BAHD1: variants seen among roughly 807,000 people sequenced by gnomAD.
BAHD1 encodes the protein bromo adjacent homology domain-containing 1 protein.
BAHD1 carries 20 observed loss-of-function variants against 63.1 expected under a neutral mutation model. That is an observed-to-expected ratio of 0.32 (90% confidence interval 0.22 to 0.46). The LOEUF is 0.46. BAHD1 is among the 20% of genes least tolerant of loss of function. BAHD1 has a pLI of 1.00. For missense variants in BAHD1, 939 were observed against 1,071.8 expected (o/e 0.88, Z 1.73); for synonymous variants, 408 against 426.8 (o/e 0.96, Z 0.54).
chr15:40,457,078 C>T (rs1010329838), intron 1 of BAHD1, among the ~76,000 whole-genome samples: 17 of 152,210 alleles, frequency 1.1e-4, no homozygotes, highest in African/African-American at 3.9e-4. Context: ...GATGCCTGGT[C>T]ATATGCATTT....
Position 40,467,175 on chromosome 15 carries a change from C to G in BAHD1, c.*1045C>G, listed in dbSNP as rs1894236265. On this transcript the variant is annotated 3_prime_UTR_variant, in exon 7 of 7. Coordinates refer to ENST00000416165, the MANE Select transcript of BAHD1 (RefSeq NM_014952.5). ...ACCTGCTGAGCTGCAGCCACTTGCT[C>G]TAGGAGCTAAGGACTTGCATTTTCA... 6.5e-6 allele frequency: 1 copy of G among 152,752 alleles called. No individual in the cohort carries two copies. Among genetic ancestry groups the G allele is most frequent in the Non-Finnish European group, 1.5e-5 (1 of 68,116 alleles). The allele number at this position is 152,752 out of a possible 1,614,324, so 9.5% of individuals were successfully genotyped here.
intron 1 of BAHD1, among the ~76,000 whole-genome samples, chr15:40,456,725 C>T (rs1220335846): frequency 6.6e-6 from 1 of 152,256 alleles, no homozygotes; most frequent in Non-Finnish European, 1.5e-5. Context: ...AATCCTGGCA[C>T]AGCAGGGACT....
chr15:40,464,102 T>G, intron 4 of BAHD1, 82 bp downstream of exon 4: 1 of 1,494,210 alleles, frequency 6.7e-7, no homozygotes, highest in Non-Finnish European at 9.1e-7. Flanking sequence ...CTGCCTGGAG[T>G]TTGACCTGGC....
Position 40,466,253 on chromosome 15 carries a change from C to T in BAHD1, c.*123C>T. On this transcript the variant is annotated 3_prime_UTR_variant, in exon 7 of 7. Transcript: ENST00000416165. ...CCTAAGTTTGCTGGCCTGTGGTTTTCTTGGGGGGGAGGGCAGGGGCCCCTG... is the reference window on the plus strand; with the variant it reads ...CCTAAGTTTGCTGGCCTGTGGTTTTTTTGGGGGGGAGGGCAGGGGCCCCTG... 9 of 795,506 alleles carry T rather than the reference C, an allele frequency of 1.1e-5. No individual in the cohort carries two copies. The highest frequency in any genetic ancestry group is 7.0e-5 in the Admixed American group (2 of 28,590). The allele number at this position is 795,506 out of a possible 1,614,324, so 49.3% of individuals were successfully genotyped here. A position where few individuals can be genotyped will look rare whatever the true frequency, so the allele number is the denominator to read the frequency against.
At position 40,464,531 on chromosome 15, in the gene BAHD1, G is replaced by T. The variant is rs1894145747; in HGVS notation, c.2036G>T (p.Ser679Ile). The T allele has an allele frequency of 1.2e-6, 2 of 1,613,272 alleles. No individual in the cohort carries two copies. The highest frequency in any genetic ancestry group is 1.1e-5 in the South Asian group (1 of 90,846). Residue 679 changes from serine (S) to isoleucine (I), a missense_variant, in exon 5 of 7, where the codon AGT becomes ATT. Ser to Ile is a moderately radical substitution (Grantham distance 142). Coordinates refer to ENST00000416165, the MANE Select transcript of BAHD1 (RefSeq NM_014952.5). Reference sequence around the variant, plus strand: ...CCTGAGCACTTACAGGGAGGCCGCAGTCCCAGCATGCACGAGGTGAGCTGC... The same window carrying T: ...CCTGAGCACTTACAGGGAGGCCGCATTCCCAGCATGCACGAGGTGAGCTGC... ...YRPEHLQGGR[S>I]PSMHEPLQNE...
intron 3 of BAHD1, 107 bp from the exon 4 acceptor site, chr15:40,463,754 G>A (rs1894119732): frequency 7.9e-7 from 1 of 1,269,562 alleles, no homozygotes; most frequent in African/African-American, 1.5e-5. Flanking sequence ...CCAAGGTAGT[G>A]GTTTGACTAT....
At position 40,464,229 on chromosome 15, in the gene BAHD1, C is replaced by T. The variant is rs1012699666; in HGVS notation, c.1975+209C>T. The T allele has an allele frequency of 8.8e-6, 6 of 682,158 alleles. No homozygotes were observed. In the African/African-American group the frequency reaches 9.0e-5, roughly 10 times the overall value. 42.3% of individuals were successfully genotyped at this position (682,158 alleles called of 1,614,324 possible). A position where few individuals can be genotyped will look rare whatever the true frequency, so the allele number is the denominator to read the frequency against. On this transcript the variant is annotated intron_variant, in intron 4 of 6. Transcript: ENST00000416165. ...GGTTGGATCAGCTCATTAACCTTTC[C>T]AGCCAGCAGAGCCTGGGCACCTGTC...
intron 1 of BAHD1, among the ~76,000 whole-genome samples, chr15:40,448,533 C>T (rs1279427709): frequency 6.6e-6 from 1 of 151,294 alleles, no homozygotes; most frequent in East Asian, 2.0e-4. Context: ...CACCTCTGTC[C>T]TCAATCCTAG....
In BAHD1 at chr15:40,458,767, C is replaced by T. The variant is rs779561411; in HGVS notation, c.303C>T (p.Ser101=). ...ELPPDLPKPP[S]PAPSSEDPGL... ...CGCCTGACCTGCCCAAGCCCCCCAGCCCGGCCCCATCCAGTGAAGACCCTG... is the reference window on the plus strand; with the variant it reads ...CGCCTGACCTGCCCAAGCCCCCCAGTCCGGCCCCATCCAGTGAAGACCCTG... Residue 101 remains serine, a synonymous_variant, in exon 2 of 7, where the codon AGC becomes AGT. Transcript: ENST00000416165. This position sits in a 1 kb window ranked among gnomAD's most constrained non-coding sequence, Gnocchi z 4.7. The T allele has an allele frequency of 6.8e-6, 11 of 1,613,138 alleles. No individual in the cohort carries two copies. The highest frequency in any genetic ancestry group is 9.3e-6 in the Non-Finnish European group (11 of 1,180,022).
chr15:40,462,968 T>C (rs1027782533), intron 3 of BAHD1, among the ~76,000 whole-genome samples: 5 of 152,232 alleles, frequency 3.3e-5, no homozygotes, highest in African/African-American at 1.2e-4. Context: ...AGACCCTGGC[T>C]TTTAAAATTA....
intron 1 of BAHD1, among the ~76,000 whole-genome samples, chr15:40,450,444 T>C (rs1009192824): frequency 6.6e-6 from 1 of 152,204 alleles, no homozygotes; most frequent in Non-Finnish European, 1.5e-5. Context: ...GTCCATGTAA[T>C]GTCCTGGTGG....
intron 1 of BAHD1, among the ~76,000 whole-genome samples, chr15:40,442,363 G>A (rs1479600292): frequency 6.6e-6 from 1 of 151,942 alleles, no homozygotes; most frequent in Non-Finnish European, 1.5e-5. Context: ...GCCGCTCGCT[G>A]TTGGCCTCGA....
At chr15:40,447,745 A>G (rs886143572) in intron 1 of BAHD1, among the ~76,000 whole-genome samples, 1 of 152,176 alleles carries the variant, frequency 6.6e-6, no homozygotes, top group Non-Finnish European at 1.5e-5. Flanking sequence ...AGTTTAGAGC[A>G]TGATGACCAG....
At chr15:40,456,274 G>A (rs548947629) in intron 1 of BAHD1, among the ~76,000 whole-genome samples, 6 of 152,312 alleles carry the variant, frequency 3.9e-5, no homozygotes, top group East Asian at 3.9e-4. Flanking sequence ...CACCACGCCC[G>A]GCATTGCCAA....
chr15:40,458,764 C>T lies in BAHD1; in HGVS notation c.300C>T (p.Pro100=), dbSNP rs771490327. 1 of 1,613,194 alleles carries T rather than the reference C, an allele frequency of 6.2e-7. No homozygotes were observed. The highest frequency in any genetic ancestry group is 1.3e-5 in the African/African-American group (1 of 74,948). The change falls in exon 2 of 7, where the codon CCC becomes CCT. Residue 100 remains proline, a synonymous_variant. Coordinates refer to ENST00000416165, the MANE Select transcript of BAHD1 (RefSeq NM_014952.5). The surrounding 1 kb of genome is among the most constrained non-coding windows in gnomAD (Gnocchi z 4.7). ...TACCGCCTGACCTGCCCAAGCCCCC[C>T]AGCCCGGCCCCATCCAGTGAAGACC... The part of the protein sequence containing the change: ...DELPPDLPKP[P]SPAPSSEDPG...
chr15:40,464,535 C>T lies in BAHD1; in HGVS notation c.2040C>T (p.Pro680=), dbSNP rs878904480. ...AGCACTTACAGGGAGGCCGCAGTCCCAGCATGCACGAGGTGAGCTGCCTGG... is the reference window on the plus strand; with the variant it reads ...AGCACTTACAGGGAGGCCGCAGTCCTAGCATGCACGAGGTGAGCTGCCTGG... ...RPEHLQGGRS[P]SMHEPLQNEV... The change falls in exon 5 of 7, where the codon CCC becomes CCT. Residue 680 remains proline (P), a synonymous_variant. Transcript: ENST00000416165. The T allele has an allele frequency of 6.2e-7, 1 of 1,613,224 alleles. No homozygotes were observed. The highest frequency in any genetic ancestry group is 8.5e-7 in the Non-Finnish European group (1 of 1,179,668).
intron 4 of BAHD1, 56 bp downstream of exon 4, chr15:40,464,076 G>A: frequency 6.3e-7 from 1 of 1,587,624 alleles, no homozygotes; most frequent in Non-Finnish European, 8.6e-7. Context: ...CAGAACTGTA[G>A]TCCCCAGATT....
chr15:40,459,832 CCT>C lies in BAHD1; in HGVS notation c.1369_1370del (p.Leu457ValfsTer89). 1 of 1,611,498 alleles carries C rather than the reference CCT, an allele frequency of 6.2e-7. No homozygotes were observed. Among genetic ancestry groups the C allele is most frequent in the Non-Finnish European group, 8.5e-7 (1 of 1,178,886 alleles). On this transcript the variant is annotated frameshift_variant, in exon 2 of 7. Coordinates refer to ENST00000416165, the MANE Select transcript of BAHD1 (RefSeq NM_014952.5). LOFTEE classifies it high-confidence loss of function. ...NGYSICGVLP[L>X]SVTHAGTTCG... The stretch of plus-strand genomic sequence containing the variant: ...GCTACAGCATCTGCGGAGTGTTGCC[CCT>C]GTCTGTTACCCACGCTGGCACTACC...
intron 3 of BAHD1, among the ~76,000 whole-genome samples, chr15:40,462,731 A>G (rs536883941): frequency 4.6e-5 from 7 of 152,180 alleles, no homozygotes; most frequent in Non-Finnish European, 7.3e-5. Flanking sequence ...GGTGGCTCAC[A>G]TCTGTAATCC....
Sources: allele counts gnomAD v4.1 joint callset (sites outside exome capture counted in the v4.1 genomes callset), GRCh38; gene constraint gnomAD v4.1.1; non-coding constraint Gnocchi (gnomAD v3.1); transcripts MANE v1.5; gene names NCBI Gene and HGNC (gene_info 2026-07-23, HGNC 2026-07-21).